FRAS1: variants seen among roughly 807,000 people sequenced by gnomAD.
The protein encoded by FRAS1 is Fraser extracellular matrix complex subunit 1, also known as extracellular matrix organizing protein FRAS1.
A neutral mutation model predicts 435.2 loss-of-function variants in FRAS1; 290 were observed. That is an observed-to-expected ratio of 0.67 (90% CI 0.61 to 0.73). The LOEUF is 0.73. FRAS1 is among the 30% of genes least tolerant of loss of function. The pLI is 0.00. For missense variants in FRAS1, 4,860 were observed against 5,001.5 expected (o/e 0.97, Z 0.85); for synonymous variants, 1,800 against 1,851.0 (o/e 0.97, Z 0.71).
rs367680303 is a variant in FRAS1 at position 78,508,727 on chromosome 4, G to T, written c.9505-4G>T. The stretch of plus-strand genomic sequence containing the variant: ...TGAACTGAAGCTTTGTTGCTCTTTC[G>T]CAGGTGGTCACACTTGCTGACTATG... On this transcript the variant is annotated splice_region_variant and splice_polypyrimidine_tract_variant and intron_variant, in intron 62 of 73. Coordinates refer to ENST00000512123, the MANE Select transcript of FRAS1 (RefSeq NM_025074.7). 3 of 1,613,368 alleles carry T rather than the reference G, an allele frequency of 1.9e-6. No individual in the cohort carries two copies. The highest frequency in any genetic ancestry group is 4.5e-5 in the East Asian group (2 of 44,848).
intron 54 of FRAS1, among the ~76,000 whole-genome samples, 175 bp downstream of exon 54, chr4:78,475,781 C>G (rs1719837016): frequency 6.6e-6 from 1 of 152,242 alleles, no homozygotes; most frequent in Admixed American, 6.5e-5. Context: ...CACAGTCTCT[C>G]TAACCTCCAT....
At position 78,255,256 on chromosome 4, in the gene FRAS1, G is replaced by A. The variant is rs2110137324; in HGVS notation, c.484G>A (p.Glu162Lys). 6.4e-7 allele frequency: 1 copy of A among 1,552,450 alleles called. No homozygotes were observed. Residue 162 changes from glutamate (E) to lysine (K), a missense_variant, in exon 6 of 74, where the codon GAA (glutamate) becomes AAA (lysine). Glu to Lys is a moderately conservative substitution (Grantham distance 56). Transcript: ENST00000512123. ...TGACCTTCCAGAACCCTGTTCCTAT[G>A]AAGGCCATGTGTTTCAGGATGGGGA... ...CVGLGKPCSY[E>K]GHVFQDGEDW...
intron 2 of FRAS1, chr4:78,182,049 TG>T: frequency 6.6e-7 from 1 of 1,510,592 alleles, no homozygotes; most frequent in Non-Finnish European, 8.8e-7. Context: ...CCAGGCATGA[TG>T]GTGGCTCGGC....
At chr4:78,414,645 G>A (rs924338342) in intron 32 of FRAS1, among the ~76,000 whole-genome samples, 12 of 152,126 alleles carry the variant, frequency 7.9e-5, no homozygotes, top group Admixed American at 7.2e-4. Flanking sequence ...AATATATTGT[G>A]AATGCATATG....
chr4:78,526,756 C>A, intron 70 of FRAS1, 99 bp downstream of exon 70: 1 of 728,154 alleles, frequency 1.4e-6, no homozygotes, highest in Non-Finnish European at 2.2e-6. Flanking sequence ...CAACATGGTG[C>A]TTTCATAGTC....
chr4:78,219,149 T>C (rs1158635649), intron 2 of FRAS1, among the ~76,000 whole-genome samples: 1 of 152,174 alleles, frequency 6.6e-6, no homozygotes, highest in East Asian at 1.9e-4. Context: ...TATTTAATGT[T>C]CTTATTAGGG....
chr4:78,288,670 G>A (rs1475310049), intron 14 of FRAS1, among the ~76,000 whole-genome samples: 1 of 151,826 alleles, frequency 6.6e-6, no homozygotes, highest in Admixed American at 6.6e-5. Context: ...GCATTTTTAT[G>A]CATAAAATAA....
chr4:78,255,600 AC>A (rs1392950108), intron 6 of FRAS1, among the ~76,000 whole-genome samples: 2 of 152,326 alleles, frequency 1.3e-5, no homozygotes, highest in East Asian at 3.9e-4. Context: ...ATATAATGCA[AC>A]TGAGCCTTGA....
chr4:78,298,979 G>C (rs1185822993), intron 14 of FRAS1, among the ~76,000 whole-genome samples: 1 of 152,118 alleles, frequency 6.6e-6, no homozygotes, highest in Non-Finnish European at 1.5e-5. Context: ...CATAGAGAAA[G>C]GTTATCAGAC....
chr4:78,498,510 G>A (rs1420245765), intron 60 of FRAS1, among the ~76,000 whole-genome samples: 136 of 130,986 alleles, frequency 1.0e-3, no homozygotes, highest in Non-Finnish European at 9.1e-4. Context: ...CTGTCTCAAA[G>A]AAAAAAAAAA....
At chr4:78,413,673 T>A (rs1022567991) in intron 32 of FRAS1, among the ~76,000 whole-genome samples, 3 of 152,184 alleles carry the variant, frequency 2.0e-5, no homozygotes, top group Non-Finnish European at 4.4e-5. Context: ...GAACTGTTGC[T>A]AAATTGCAAA....
intron 59 of FRAS1, among the ~76,000 whole-genome samples, chr4:78,491,402 C>G (rs2109867302): frequency 6.6e-6 from 1 of 152,270 alleles, no homozygotes; most frequent in South Asian, 2.1e-4. Flanking sequence ...CGAAAATACT[C>G]AATAAAATAC....
At chr4:78,181,810 C>T in intron 2 of FRAS1, 1 of 1,612,136 alleles carries the variant, frequency 6.2e-7, no homozygotes, top group African/African-American at 1.3e-5. Context: ...GCAGCGGGTT[C>T]TTGCGGTCTT....
At chr4:78,345,143 A>G (rs1730557972) in intron 20 of FRAS1, among the ~76,000 whole-genome samples, 1 of 152,216 alleles carries the variant, frequency 6.6e-6, no homozygotes, top group Non-Finnish European at 1.5e-5. Context: ...GGCTACAGCT[A>G]TGATTAGATA....
chr4:78,063,120 A>G (rs926951691), intron 1 of FRAS1, among the ~76,000 whole-genome samples: 6 of 152,086 alleles, frequency 3.9e-5, no homozygotes, highest in African/African-American at 1.4e-4. Flanking sequence ...TGTACTCCTG[A>G]AGAAAAAAAA....
intron 2 of FRAS1, among the ~76,000 whole-genome samples, chr4:78,113,890 T>C (rs1018265653): frequency 4.6e-5 from 7 of 152,244 alleles, no homozygotes; most frequent in Admixed American, 3.3e-4. Context: ...GTATTAGACA[T>C]GAAGTCCTTG....
intron 2 of FRAS1, among the ~76,000 whole-genome samples, chr4:78,221,154 C>T (rs1052880072): frequency 6.6e-6 from 1 of 152,060 alleles, no homozygotes; most frequent in African/African-American, 2.4e-5. Context: ...GGCGACATAG[C>T]CAGACTCTCT....
chr4:78,385,016 T>G (rs769965459), intron 28 of FRAS1, among the ~76,000 whole-genome samples: 1 of 151,894 alleles, frequency 6.6e-6, no homozygotes, highest in Non-Finnish European at 1.5e-5. Context: ...TTATTAAGGA[T>G]CTACTTAAAT....
chr4:78,412,501 T>G (rs1733381727), intron 31 of FRAS1, among the ~76,000 whole-genome samples: 1 of 152,154 alleles, frequency 6.6e-6, no homozygotes, highest in African/African-American at 2.4e-5. Context: ...CCTGTGCTGG[T>G]TAAAAATGAA....
Sources: allele counts gnomAD v4.1 joint callset (sites outside exome capture counted in the v4.1 genomes callset), GRCh38; gene constraint gnomAD v4.1.1; transcripts MANE v1.5; gene names NCBI Gene and HGNC (gene_info 2026-07-23, HGNC 2026-07-21).